The following LRRK2 variants were observed in gnomAD, a reference collection of about 807,000 sequenced individuals.
LRRK2 encodes the protein leucine-rich repeat serine/threonine-protein kinase 2.
In LRRK2, 203 loss-of-function variants were observed where a neutral mutation model predicts 302.6. The ratio of observed to expected loss-of-function variants is 0.67; its 90% CI spans 0.60 to 0.75. The LOEUF is 0.75. Among genes scored for constraint, LRRK2 ranks in the 30% least tolerant of loss-of-function variants. The probability of loss-of-function intolerance (pLI) is 0.00; values close to 1 mark genes in which losing one functional copy is unlikely to be tolerated. For missense variants in LRRK2, 2,830 were observed against 2,951.0 expected, an observed-to-expected ratio of 0.96 and a Z score of 0.95; for synonymous variants, 1,066 against 1,031.9, an observed-to-expected ratio of 1.03 and a Z score of -0.63.
intron 16 of LRRK2, among the ~76,000 whole-genome samples, chr12:40,275,987 CATT>C (rs754819220): frequency 9.2e-5 from 14 of 152,184 alleles, no homozygotes; most frequent in Non-Finnish European, 1.9e-4. Flanking sequence ...TTTGCACAGA[CATT>C]ATCAGTAAAT....
chr12:40,346,609 G>T, intron 41 of LRRK2, 144 bp from the exon 42 acceptor site: 1 of 746,124 alleles, frequency 1.3e-6, no homozygotes, highest in South Asian at 1.7e-5. Flanking sequence ...CTTGATCAAG[G>T]TACCTTGTTA....
At chr12:40,322,567 T>A in intron 37 of LRRK2, 57 bp downstream of exon 37, 1 of 1,442,338 alleles carries the variant, frequency 6.9e-7, no homozygotes, top group Non-Finnish European at 9.7e-7. Context: ...ACTTATGAAG[T>A]GACTTTTAAT....
chr12:40,290,390 G>A (rs894417513), intron 20 of LRRK2, among the ~76,000 whole-genome samples: 1 of 151,934 alleles, frequency 6.6e-6, no homozygotes, highest in Non-Finnish European at 1.5e-5. Flanking sequence ...TTGTAATTAT[G>A]GGAGTAATGC....
chr12:40,367,207 A>C (rs1946904600), intron 50 of LRRK2, 130 bp downstream of exon 50: 2 of 750,386 alleles, frequency 2.7e-6, no homozygotes, highest in South Asian at 3.5e-5. Flanking sequence ...GGTAGTTTAT[A>C]GTGTAAAGAA....
intron 46 of LRRK2, among the ~76,000 whole-genome samples, chr12:40,358,564 C>T (rs1592339908): frequency 6.6e-6 from 1 of 151,990 alleles, no homozygotes; most frequent in Non-Finnish European, 1.5e-5. Context: ...TTTCTGGGTC[C>T]TCTACATTGG....
At chr12:40,303,008 T>C (rs1233540367) in intron 26 of LRRK2, 126 bp downstream of exon 26, 7 of 684,372 alleles carry the variant, frequency 1.0e-5, no homozygotes, top group Non-Finnish European at 1.8e-5. Context: ...TGTTTTTGTA[T>C]GTATGAATGA....
intron 42 of LRRK2, among the ~76,000 whole-genome samples, chr12:40,347,956 T>TA (rs35847030): frequency 0.26 from 39,049 of 150,770 alleles, 5,796 homozygotes; most frequent in Middle Eastern, 0.4. Flanking sequence ...GACTCCATCT[T>TA]AAAAAAAAAA....
At chr12:40,312,503 C>T (rs1221626714) in intron 31 of LRRK2, among the ~76,000 whole-genome samples, 1 of 152,084 alleles carries the variant, frequency 6.6e-6, no homozygotes, top group Non-Finnish European at 1.5e-5. Context: ...TTTGTCCTCT[C>T]ATTTATTTTT....
intron 49 of LRRK2, chr12:40,365,961 C>T (rs138432436): frequency 9.2e-5 from 14 of 152,080 alleles, no homozygotes; most frequent in African/African-American, 2.9e-4. Context: ...TCTTATTCTA[C>T]CAAAGTTGTT....
intron 41 of LRRK2, among the ~76,000 whole-genome samples, chr12:40,345,260 T>G (rs1181675230): frequency 6.6e-6 from 1 of 152,218 alleles, no homozygotes; most frequent in East Asian, 1.9e-4. Flanking sequence ...TATTTCTTCC[T>G]AGATTTTAAT....
At chr12:40,282,970 G>A (rs981257093) in intron 18 of LRRK2, among the ~76,000 whole-genome samples, 1 of 151,824 alleles carries the variant, frequency 6.6e-6, no homozygotes, top group Non-Finnish European at 1.5e-5. Flanking sequence ...TAGCTGTAAG[G>A]GACAAATTAT....
At chr12:40,303,243 T>C (rs1944692958) in intron 26 of LRRK2, among the ~76,000 whole-genome samples, 1 of 152,110 alleles carries the variant, frequency 6.6e-6, no homozygotes, top group Admixed American at 6.5e-5. Flanking sequence ...GCTTAAGTTA[T>C]GTTTGAGTGA....
chr12:40,321,065 C>G lies in LRRK2; in HGVS notation c.5047C>G (p.Pro1683Ala), dbSNP rs1945386499. 5.0e-6 allele frequency: 8 copies of G among 1,612,680 alleles called. No individual in the cohort carries two copies. The highest frequency in any genetic ancestry group is 6.8e-6 in the Non-Finnish European group (8 of 1,179,034). ...LSDHRPVIEL[P>A]HCENSEIIIR... is the part of the protein sequence containing the mutation. The stretch of plus-strand genomic sequence containing the variant: ...TGACCACAGGCCTGTGATAGAGCTT[C>G]CCCATTGTGAGAACTCTGAAATTAT... The change falls in exon 35 of 51, where the codon CCC becomes GCC. Residue 1683 changes from proline (P) to alanine (A), a missense_variant. Physicochemically the swap from Pro to Ala is conservative, Grantham distance 27. Around this residue, in one of 3 missense-constraint regions of LRRK2, gnomAD observed 2,121 missense variants for 2,148.0 expected, o/e 0.99. Transcript: ENST00000298910.
chr12:40,340,299 T>C lies in LRRK2; in HGVS notation c.5954T>C (p.Leu1985Pro). 6.2e-7 allele frequency: 1 copy of C among 1,613,582 alleles called. No individual in the cohort carries two copies. Among genetic ancestry groups the C allele is most frequent in the Non-Finnish European group, 8.5e-7 (1 of 1,179,596 alleles). Residue 1985 changes from leucine (L) to proline (P), a missense_variant, in exon 41 of 51, where the codon CTC (leucine) becomes CCC (proline). Around this residue, in one of 3 missense-constraint regions of LRRK2, gnomAD observed 253 missense variants for 346.7 expected, o/e 0.73. Transcript: ENST00000298910. ...TCCTGTGCATTTTCTGGCAGATACC[T>C]CCACTCAGCCATGATTATATACCGA... ...ALHVADGLRY[L>P]HSAMIIYRDL... is the part of the protein sequence containing the mutation.
intron 16 of LRRK2, among the ~76,000 whole-genome samples, chr12:40,277,220 A>T (rs1943494645): frequency 6.6e-6 from 1 of 152,196 alleles, no homozygotes; most frequent in South Asian, 2.1e-4. Flanking sequence ...CTAAAGTCAA[A>T]AGCCCAATCT....
chr12:40,263,909 G>A lies in LRRK2; in HGVS notation c.1656+8G>A, dbSNP rs199769958. 2 of 1,573,274 alleles carry A rather than the reference G, an allele frequency of 1.3e-6. No individual in the cohort carries two copies. The highest frequency in any genetic ancestry group is 3.4e-4 in the Middle Eastern group (2 of 5,962). The stretch of plus-strand genomic sequence containing the variant: ...CTAGCAGCTTTGAACAGGGTATGTT[G>A]AATATAAGTTTTCTGTATTTATACT... On this transcript the variant is annotated splice_region_variant and intron_variant, in intron 14 of 50. Transcript: ENST00000298910.
At chr12:40,298,153 AGTTACCAGAG>A in intron 23 of LRRK2, 80 bp from the exon 24 acceptor site, 1 of 1,330,648 alleles carries the variant, frequency 7.5e-7, no homozygotes, top group Non-Finnish European at 1.1e-6. Flanking sequence ...TGATGGTTCT[AGTTACCAGAG>A]GTGTGTAAGG....
chr12:40,361,730 C>T (rs1946715005), intron 47 of LRRK2, among the ~76,000 whole-genome samples: 1 of 152,040 alleles, frequency 6.6e-6, no homozygotes, highest in African/African-American at 2.4e-5. Context: ...GACCTAGATG[C>T]ATAAACACTT....
chr12:40,273,425 G>T (rs1025166430), intron 14 of LRRK2, among the ~76,000 whole-genome samples: 16 of 152,144 alleles, frequency 1.1e-4, no homozygotes, highest in Non-Finnish European at 1.2e-4. Flanking sequence ...AGGACACAGG[G>T]TGAGAAACTG....
Sources: gnomAD v4.1 joint callset for allele counts (sites outside exome capture counted in the v4.1 genomes callset) on GRCh38, gnomAD v4.1.1 for gene constraint, gnomAD v4.1.1 regional missense constraint, MANE v1.5 for transcripts, NCBI Gene and HGNC (gene_info 2026-07-23, HGNC 2026-07-21) for gene names.